The following ERG variants were observed in gnomAD, a reference collection of about 807,000 sequenced individuals.
ERG encodes transcriptional regulator ERG.
In ERG, 9 loss-of-function variants were observed where a neutral mutation model predicts 55.3. The observed-to-expected ratio is 0.16, with a 90% CI of 0.10 to 0.28. The LOEUF is 0.28. Among genes scored for constraint, ERG ranks in the 10% least tolerant of loss-of-function variants. ERG has a pLI of 1.00. For synonymous variants in ERG, 223 were observed against 237.3 expected (o/e 0.94, Z 0.55); for missense variants, 434 against 631.6 (o/e 0.69, Z 3.35).
At chr21:38,479,612 A>C (rs1350839924) in intron 1 of ERG, among the ~76,000 whole-genome samples, 2 of 152,182 alleles carry the variant, frequency 1.3e-5, no homozygotes, top group African/African-American at 2.4e-5. Flanking sequence ...CATCTACAGC[A>C]GTCTCCCCTT....
chr21:38,470,700 A>G (rs1435277976), intron 1 of ERG: 3 of 152,238 alleles, frequency 2.0e-5, no homozygotes, highest in African/African-American at 7.2e-5. Context: ...AACCAAATAA[A>G]ATTGACCCAG....
chr21:38,484,506 C>T (rs1393823488), intron 1 of ERG, among the ~76,000 whole-genome samples: 5 of 152,154 alleles, frequency 3.3e-5, no homozygotes, highest in Admixed American at 3.3e-4. Flanking sequence ...TTCATTTCTC[C>T]AACTTTAAAT....
At chr21:38,601,566 C>T (rs1326200276) in intron 1 of ERG, among the ~76,000 whole-genome samples, 1 of 152,110 alleles carries the variant, frequency 6.6e-6, no homozygotes, top group Non-Finnish European at 1.5e-5. Flanking sequence ...AAATATTGTT[C>T]CTGTATAAGG....
At chr21:38,395,532 AG>A (rs1988173518) in intron 6 of ERG, 1 of 201,938 alleles carries the variant, frequency 5.0e-6, no homozygotes. Context: ...TGCCCATGTA[AG>A]GGAAGGCTGC....
intron 1 of ERG, among the ~76,000 whole-genome samples, chr21:38,605,816 G>T (rs981356608): frequency 2.0e-5 from 3 of 150,484 alleles, no homozygotes; most frequent in African/African-American, 7.5e-5. Flanking sequence ...ATGGTGTGTT[G>T]CAGCCCAGAT....
At chr21:38,456,377 C>G (rs746831878) in intron 1 of ERG, among the ~76,000 whole-genome samples, 3 of 152,236 alleles carry the variant, frequency 2.0e-5, no homozygotes, top group Non-Finnish European at 4.4e-5. Flanking sequence ...AGGATCTACT[C>G]TCTTGCATGG....
At chr21:38,371,654 G>A in the ERG span, among the ~76,000 whole-genome samples, 1 of 151,668 alleles carries the variant, frequency 6.6e-6, no homozygotes, top group Non-Finnish European at 1.5e-5. Flanking sequence ...TTCATGTGGG[G>A]GATACATTAA....
intron 1 of ERG, among the ~76,000 whole-genome samples, chr21:38,611,976 G>T (rs749234104): frequency 2.6e-5 from 4 of 152,128 alleles, no homozygotes; most frequent in African/African-American, 9.7e-5. Flanking sequence ...GAGTCAACAT[G>T]GTGATTTAAA....
chr21:38,399,369 C>T (rs749440189), intron 6 of ERG, among the ~76,000 whole-genome samples: 1 of 152,192 alleles, frequency 6.6e-6, no homozygotes, highest in Non-Finnish European at 1.5e-5. Context: ...CCTGGGCCCC[C>T]AGTCTTTCTC....
At chr21:38,455,038 T>A (rs2058974434) in intron 1 of ERG, among the ~76,000 whole-genome samples, 1 of 152,128 alleles carries the variant, frequency 6.6e-6, no homozygotes, top group Non-Finnish European at 1.5e-5. Flanking sequence ...TGGTATTCTC[T>A]ACATAACAAG....
At chr21:38,373,858 T>C in the ERG span, among the ~76,000 whole-genome samples, 2 of 152,024 alleles carry the variant, frequency 1.3e-5, no homozygotes, top group Admixed American at 1.3e-4. Context: ...AGACAGCACA[T>C]GAGTAAGCTC....
chr21:38,560,352 A>G (rs2059885521), intron 2 of ERG, among the ~76,000 whole-genome samples: 2 of 152,132 alleles, frequency 1.3e-5, no homozygotes. Flanking sequence ...AACAACCTCC[A>G]GCTGTTCACA....
At chr21:38,375,536 CTAA>C (rs1987218063), downstream of ERG, among the ~76,000 whole-genome samples, 1 of 152,106 alleles carries the variant, frequency 6.6e-6, no homozygotes, top group Non-Finnish European at 1.5e-5. Context: ...ATCTTGGATG[CTAA>C]TAATACAGTA....
Position 38,381,328 on chromosome 21 carries a change from T to G in ERG, c.*2075A>C. 1 of 1,064,558 alleles carries G rather than the reference T, an allele frequency of 9.4e-7. No homozygotes were observed. Among genetic ancestry groups the G allele is most frequent in the Non-Finnish European group, 1.1e-6 (1 of 878,866 alleles). The allele number at this position is 1,064,558 out of a possible 1,614,324, so 65.9% of individuals were successfully genotyped here. ...TTGTATTTTCACCTTTTGAGTTGCC[T>G]TCACCTGGACCAAGGTTGGCAGCAT... On this transcript the variant is annotated 3_prime_UTR_variant, in exon 10 of 10. Coordinates refer to ENST00000288319, the MANE Select transcript of ERG (RefSeq NM_182918.4).
At chr21:38,377,187 G>C (rs867975136), downstream of ERG, among the ~76,000 whole-genome samples, 1 of 152,230 alleles carries the variant, frequency 6.6e-6, no homozygotes, top group South Asian at 2.1e-4. Flanking sequence ...AAATGAAAAA[G>C]ATAGTGTATG....
chr21:38,379,651 G>GT (rs139286906), downstream of ERG, among the ~76,000 whole-genome samples: 1 of 152,166 alleles, frequency 6.6e-6, no homozygotes, highest in Non-Finnish European at 1.5e-5. Context: ...AGATAATGAT[G>GT]TTTTACTCAG....
intron 1 of ERG, among the ~76,000 whole-genome samples, chr21:38,485,937 A>T (rs950245706): frequency 2.0e-5 from 3 of 151,178 alleles, no homozygotes; most frequent in Admixed American, 6.6e-5. Flanking sequence ...TAATAATAAT[A>T]ATTATTATTA....
At chr21:38,599,106 C>T (rs2060148710) in intron 1 of ERG, among the ~76,000 whole-genome samples, 1 of 152,202 alleles carries the variant, frequency 6.6e-6, no homozygotes, top group Non-Finnish European at 1.5e-5. Context: ...GGGCTAGTGA[C>T]TGCCTTCCAG....
chr21:38,376,468 T>C (rs536259442), downstream of ERG, among the ~76,000 whole-genome samples: 2 of 152,298 alleles, frequency 1.3e-5, no homozygotes, highest in Non-Finnish European at 2.9e-5. Flanking sequence ...CTTCCTGTCC[T>C]GCACCTTCCC....
Sources: gnomAD v4.1 joint callset for allele counts (sites outside exome capture counted in the v4.1 genomes callset) on GRCh38, gnomAD v4.1.1 for gene constraint, MANE v1.5 for transcripts, NCBI Gene and HGNC (gene_info 2026-07-23, HGNC 2026-07-21) for gene names.